The following TMEM132C variants were observed in gnomAD, a reference collection of about 807,000 sequenced individuals.
The protein encoded by TMEM132C is transmembrane protein 132C, also known as protein phosphatase 1, regulatory subunit 152.
In TMEM132C, 29 loss-of-function variants were observed where a neutral mutation model predicts 61.4. The ratio of observed to expected loss-of-function variants is 0.47; its 90% CI spans 0.35 to 0.64. The LOEUF (loss-of-function observed/expected upper bound fraction) is 0.64, where lower values mean the gene tolerates loss of function less well. Ranked by LOEUF, TMEM132C falls within the 30% of genes least tolerant of loss-of-function variation. The pLI is 0.00. For missense variants in TMEM132C, 1,408 were observed against 1,476.9 expected, an observed-to-expected ratio of 0.95 and a Z score of 0.76; for synonymous variants, 656 against 633.1, an observed-to-expected ratio of 1.04 and a Z score of -0.54.
intron 2 of TMEM132C, among the ~76,000 whole-genome samples, chr12:128,424,280 A>G (rs1869104040): frequency 6.6e-6 from 1 of 152,194 alleles, no homozygotes; most frequent in African/African-American, 2.4e-5. Flanking sequence ...AAATGTTCAC[A>G]TCAGCTTTCC....
At chr12:128,691,523 C>CCCATCCATCCACCTTT (rs1223391314) in intron 5 of TMEM132C, among the ~76,000 whole-genome samples, 42 of 152,202 alleles carry the variant, frequency 2.8e-4, no homozygotes, top group Non-Finnish European at 5.9e-5. Flanking sequence ...ACTTAACCTG[C>CCCATCCATCCACCTTT]CCATCCATCC....
At chr12:128,542,172 C>G (rs1185117013) in intron 2 of TMEM132C, among the ~76,000 whole-genome samples, 1 of 152,194 alleles carries the variant, frequency 6.6e-6, no homozygotes. Flanking sequence ...ACTCTGCTCA[C>G]TGACAGCTTG....
At chr12:128,333,639 G>A (rs1057413622) in intron 1 of TMEM132C, among the ~76,000 whole-genome samples, 15 of 151,582 alleles carry the variant, frequency 9.9e-5, no homozygotes, top group African/African-American at 3.4e-4. Context: ...GTGTGTATGT[G>A]TTGTATGTGT....
At chr12:128,338,491 C>T (rs997484918) in intron 1 of TMEM132C, among the ~76,000 whole-genome samples, 2 of 152,036 alleles carry the variant, frequency 1.3e-5, no homozygotes, top group African/African-American at 4.8e-5. Flanking sequence ...TGTTGTTTAT[C>T]GAAGCCTCAT....
chr12:128,695,541 T>C (rs960885475), intron 6 of TMEM132C, among the ~76,000 whole-genome samples: 1 of 152,154 alleles, frequency 6.6e-6, no homozygotes, highest in African/African-American at 2.4e-5. Context: ...TAATAATAAT[T>C]CATTAATTAA....
At chr12:128,625,634 A>T (rs143783017) in intron 4 of TMEM132C, among the ~76,000 whole-genome samples, 80 of 152,330 alleles carry the variant, frequency 5.3e-4, no homozygotes, top group African/African-American at 1.9e-3. Context: ...CCTGAGACTT[A>T]TTCATGACCA....
chr12:128,267,599 G>A lies in TMEM132C; in HGVS notation c.85+112G>A, dbSNP rs903316006. ...GGGTGCGGCGGGGGCCTCGGCGGGG[G>A]CTCGGATCCCATCAACAGCGCCTCT... On this transcript the variant is annotated intron_variant, in intron 1 of 8. Transcript: ENST00000435159. 6 of 884,678 alleles carry A rather than the reference G, an allele frequency of 6.8e-6. No individual in the cohort carries two copies. The South Asian group carries it at 2.7e-4, about 40-fold the overall frequency. The allele number at this position is 884,678 out of a possible 1,614,324, so 54.8% of individuals were successfully genotyped here. A position where few individuals can be genotyped will look rare whatever the true frequency, so the allele number is the denominator to read the frequency against.
At chr12:128,268,360 C>T (rs1870387988) in intron 1 of TMEM132C, among the ~76,000 whole-genome samples, 1 of 152,216 alleles carries the variant, frequency 6.6e-6, no homozygotes, top group Non-Finnish European at 1.5e-5. Context: ...CGCGCGGATG[C>T]GGCGGCGGGA....
chr12:128,647,095 G>A (rs1313997817), intron 4 of TMEM132C, among the ~76,000 whole-genome samples: 5 of 151,216 alleles, frequency 3.3e-5, no homozygotes, highest in African/African-American at 9.7e-5. Flanking sequence ...GATCCCATCA[G>A]CGTTGGATGT....
rs1566017166 is a variant in TMEM132C, at chr12:128,693,860, A to G, written c.1481A>G (p.Asn494Ser). 6.4e-7 allele frequency: 1 copy of G among 1,551,620 alleles called. No homozygotes were observed. The highest frequency in any genetic ancestry group is 8.7e-7 in the Non-Finnish European group (1 of 1,147,018). The stretch of plus-strand genomic sequence containing the variant: ...GAGCGCTGTGACTACATCTTTGTCA[A>G]TGGCAAAGAGATCAAAGGAAAGATG... Reference protein sequence around the residue: ...VSERCDYIFVNGKEIKGKMDA... With the variant: ...VSERCDYIFVSGKEIKGKMDA... Residue 494 changes from asparagine to serine, a missense_variant, in exon 6 of 9, where the codon AAT (asparagine) becomes AGT (serine). Asn to Ser is a conservative substitution (Grantham distance 46). Coordinates refer to ENST00000435159, the MANE Select transcript of TMEM132C (RefSeq NM_001136103.3).
intron 1 of TMEM132C, among the ~76,000 whole-genome samples, chr12:128,323,480 C>T (rs1165245058): frequency 1.3e-5 from 2 of 152,236 alleles, no homozygotes; most frequent in African/African-American, 2.4e-5. Context: ...CATAGCCTTG[C>T]TCGTTGGGGG....
chr12:128,408,327 T>G (rs1446912283), intron 1 of TMEM132C, among the ~76,000 whole-genome samples: 1 of 152,152 alleles, frequency 6.6e-6, no homozygotes, highest in East Asian at 1.9e-4. Context: ...AATCTTTATG[T>G]CTAGGAAGAA....
chr12:128,299,943 G>A (rs376754413), intron 1 of TMEM132C, among the ~76,000 whole-genome samples: 1 of 152,334 alleles, frequency 6.6e-6, no homozygotes, highest in Non-Finnish European at 1.5e-5. Flanking sequence ...CAGTGGAACC[G>A]GGGCAGGATG....
At chr12:128,462,550 C>T (rs188883623) in intron 2 of TMEM132C, among the ~76,000 whole-genome samples, 105 of 152,280 alleles carry the variant, frequency 6.9e-4, no homozygotes, top group African/African-American at 2.2e-3. Context: ...TTTATAGAAA[C>T]AAAACTTCAC....
intron 2 of TMEM132C, among the ~76,000 whole-genome samples, chr12:128,458,204 A>G (rs980983203): frequency 6.1e-5 from 9 of 147,998 alleles, no homozygotes; most frequent in Non-Finnish European, 1.0e-4. Flanking sequence ...TTAGTATTAT[A>G]ATTATATAAT....
chr12:128,488,898 T>G (rs925033357), intron 2 of TMEM132C, among the ~76,000 whole-genome samples: 5 of 152,062 alleles, frequency 3.3e-5, no homozygotes, highest in South Asian at 2.1e-4. Flanking sequence ...ATAAATAAAA[T>G]TTTCTCTTTT....
At chr12:128,668,565 G>T (rs1418595890) in intron 4 of TMEM132C, among the ~76,000 whole-genome samples, 1 of 152,148 alleles carries the variant, frequency 6.6e-6, no homozygotes, top group East Asian at 1.9e-4. Context: ...TTCTTTTGTT[G>T]CTGGGAGCAA....
intron 1 of TMEM132C, among the ~76,000 whole-genome samples, chr12:128,402,981 C>T (rs1048786988): frequency 3.3e-5 from 5 of 152,096 alleles, no homozygotes; most frequent in Admixed American, 6.6e-5. Context: ...GGGAACTATC[C>T]CCCCAGGGGC....
At position 128,544,043 on chromosome 12, in the gene TMEM132C, G is replaced by A. The variant is rs751354221; in HGVS notation, c.1061G>A (p.Gly354Asp). The A allele has an allele frequency of 1.9e-6, 3 of 1,547,822 alleles. No individual in the cohort carries two copies. The highest frequency in any genetic ancestry group is 2.5e-5 in the East Asian group (1 of 40,534). ...QWGVKQEVGS[G>D]GKHVTATVAC... ...GGCGTCAAGCAGGAGGTGGGCAGCG[G>A]CGGAAAGCACGTGACGGCCACCGTG... Residue 354 changes from glycine (G) to aspartate (D), a missense_variant, in exon 3 of 9, where the codon GGC (glycine) becomes GAC (aspartate). Physicochemically the swap from Gly to Asp is moderately conservative, Grantham distance 94. Transcript: ENST00000435159.
Sources: gnomAD v4.1 joint callset for allele counts (sites outside exome capture counted in the v4.1 genomes callset) on GRCh38, gnomAD v4.1.1 for gene constraint, MANE v1.5 for transcripts, NCBI Gene and HGNC (gene_info 2026-07-23, HGNC 2026-07-21) for gene names.